YAF2: variants seen among roughly 807,000 people sequenced by gnomAD.
YAF2 encodes the protein YY1-associated factor 2.
In YAF2, 7 loss-of-function variants were observed where a neutral mutation model predicts 20.1. That is an observed-to-expected ratio of 0.35 (90% confidence interval 0.20 to 0.65). The LOEUF (loss-of-function observed/expected upper bound fraction) is 0.65. YAF2 is among the 30% of genes least tolerant of loss of function. The pLI, the probability that YAF2 is intolerant of heterozygous loss-of-function variation, is 0.69. For synonymous variants in YAF2, 74 were observed against 76.0 expected (o/e 0.97, Z 0.14); for missense variants, 151 against 219.2 (o/e 0.69, Z 1.96).
chr12:42,235,411 A>G (rs750565603), intron 2 of YAF2: 59 of 1,047,420 alleles, frequency 5.6e-5, no homozygotes, highest in Non-Finnish European at 6.1e-5. Flanking sequence ...GATGCAATCA[A>G]TATCTTCTCT....
At chr12:42,234,521 T>C (rs1273812396) in intron 2 of YAF2, 1 of 984,974 alleles carries the variant, frequency 1.0e-6, no homozygotes, top group Non-Finnish European at 1.2e-6. Flanking sequence ...AAATTAAAAC[T>C]TGAGGAACTG....
At chr12:42,220,084 G>GAGA (rs1206229364) in intron 2 of YAF2, among the ~76,000 whole-genome samples, 1 of 152,184 alleles carries the variant, frequency 6.6e-6, no homozygotes, top group Non-Finnish European at 1.5e-5. Flanking sequence ...GAATGGTTAT[G>GAGA]AGAAGGCCCT....
At chr12:42,185,508 T>C (rs559106797) in intron 2 of YAF2, among the ~76,000 whole-genome samples, 3 of 152,234 alleles carry the variant, frequency 2.0e-5, no homozygotes, top group Non-Finnish European at 4.4e-5. Flanking sequence ...CAGATGAATC[T>C]TTCATGAAAG....
At chr12:42,183,129 G>A (rs2066386697) in intron 2 of YAF2, among the ~76,000 whole-genome samples, 2 of 152,136 alleles carry the variant, frequency 1.3e-5, no homozygotes, top group Admixed American at 6.5e-5. Flanking sequence ...GCCCACACCT[G>A]TATATGACAG....
chr12:42,230,468 T>C (rs561313056), intron 2 of YAF2, among the ~76,000 whole-genome samples: 1 of 152,236 alleles, frequency 6.6e-6, no homozygotes, highest in South Asian at 2.1e-4. Context: ...CAGCCACTAA[T>C]AGGACTCAAT....
chr12:42,184,758 G>A, intron 2 of YAF2, among the ~76,000 whole-genome samples: 1 of 152,206 alleles, frequency 6.6e-6, no homozygotes, highest in East Asian at 1.9e-4. Flanking sequence ...GTGACTCAGG[G>A]AAGGAGGTCT....
intron 2 of YAF2, among the ~76,000 whole-genome samples, chr12:42,191,137 T>C (rs1417935139): frequency 6.6e-6 from 1 of 152,168 alleles, no homozygotes; most frequent in Admixed American, 6.5e-5. Context: ...GACTGAAAAA[T>C]GTTTTTAAAG....
intron 2 of YAF2, among the ~76,000 whole-genome samples, chr12:42,184,996 G>A (rs2066434658): frequency 6.6e-6 from 1 of 152,322 alleles, no homozygotes; most frequent in African/African-American, 2.4e-5. Context: ...GGCCAATATG[G>A]CGCAACCCTG....
At chr12:42,225,631 G>A (rs2067667144) in intron 2 of YAF2, among the ~76,000 whole-genome samples, 1 of 152,172 alleles carries the variant, frequency 6.6e-6, no homozygotes, top group Admixed American at 6.5e-5. Context: ...TTATTAAATA[G>A]GGAATCCTTT....
intron 2 of YAF2, among the ~76,000 whole-genome samples, chr12:42,208,160 G>A (rs1037247287): frequency 1.3e-5 from 2 of 152,172 alleles, no homozygotes; most frequent in Non-Finnish European, 2.9e-5. Context: ...AGGCGCCATG[G>A]CTCATGCCTG....
chr12:42,219,014 A>G (rs958025046), intron 2 of YAF2, among the ~76,000 whole-genome samples: 1 of 152,218 alleles, frequency 6.6e-6, no homozygotes, highest in African/African-American at 2.4e-5. Context: ...CAATTAACCT[A>G]GCCTGTGCTG....
At chr12:42,191,762 A>G (rs2066618196) in intron 2 of YAF2, among the ~76,000 whole-genome samples, 1 of 152,144 alleles carries the variant, frequency 6.6e-6, no homozygotes, top group Non-Finnish European at 1.5e-5. Flanking sequence ...ATACCATGAG[A>G]GGTTTTAACA....
In YAF2 at chr12:42,158,131, G is replaced by C. The variant is rs1286408919; in HGVS notation, c.*2458C>G. On this transcript the variant is annotated 3_prime_UTR_variant, in exon 4 of 4. Transcript: ENST00000534854. Reference sequence around the variant, plus strand: ...TATGGAATTTGGGTCTGTTTTCCTGGTGTGGAAGTGTACTTGAAGTAGGGT... The same window carrying C: ...TATGGAATTTGGGTCTGTTTTCCTGCTGTGGAAGTGTACTTGAAGTAGGGT... The C allele has an allele frequency of 6.6e-6, 1 of 152,072 alleles. No individual in the cohort carries two copies. The highest frequency in any genetic ancestry group is 1.5e-5 in the Non-Finnish European group (1 of 68,004). The allele number at this position is 152,072 out of a possible 1,614,324, so 9.4% of individuals were successfully genotyped here. A position where few individuals can be genotyped will look rare whatever the true frequency, so the allele number is the denominator to read the frequency against.
intron 2 of YAF2, among the ~76,000 whole-genome samples, chr12:42,182,502 T>C (rs981563215): frequency 3.3e-5 from 5 of 152,228 alleles, no homozygotes; most frequent in Non-Finnish European, 7.3e-5. Context: ...AGTGAAACTA[T>C]AACATAAACT....
chr12:42,228,385 A>G (rs867355779), intron 2 of YAF2, among the ~76,000 whole-genome samples: 1 of 40,774 alleles, frequency 2.5e-5, no homozygotes, highest in Non-Finnish European at 3.9e-5. Flanking sequence ...GGAAGTGAGG[A>G]GCCTCTCTGC....
At chr12:42,234,219 GA>G (rs2068073565) in intron 2 of YAF2, 3 of 918,872 alleles carry the variant, frequency 3.3e-6, no homozygotes, top group Non-Finnish European at 3.9e-6. Flanking sequence ...GAAAAGAAAA[GA>G]AAAGAAAAGA....
rs775168969 is a variant in YAF2, at chr12:42,161,769, T to C, written c.153-4A>G. On this transcript the variant is annotated splice_region_variant and splice_polypyrimidine_tract_variant and intron_variant, in intron 2 of 3. Coordinates refer to ENST00000534854, the MANE Select transcript of YAF2 (RefSeq NM_005748.6). ...CTGGGAGACAGGTCGAGGTTTCCTG[T>C]GTGCATGTTAAAAAGAAAGGTATTT... The C allele has an allele frequency of 6.3e-6, 10 of 1,588,774 alleles. No individual in the cohort carries two copies. The highest frequency in any genetic ancestry group is 4.5e-5 in the East Asian group (2 of 44,296).
intron 2 of YAF2, among the ~76,000 whole-genome samples, chr12:42,195,137 G>C (rs7978820): frequency 0.21 from 31,448 of 152,040 alleles, 3,372 homozygotes; most frequent in Admixed American, 0.25. Context: ...TATGGGAGAA[G>C]TCCAAAATGG....
chr12:42,162,768 A>T (rs2065826772), intron 2 of YAF2, among the ~76,000 whole-genome samples: 1 of 152,188 alleles, frequency 6.6e-6, no homozygotes, highest in Admixed American at 6.5e-5. Context: ...CATGGCTGAG[A>T]GAAAATAGGA....
Sources: allele counts gnomAD v4.1 joint callset (sites outside exome capture counted in the v4.1 genomes callset), GRCh38; gene constraint gnomAD v4.1.1; transcripts MANE v1.5; gene names NCBI Gene and HGNC (gene_info 2026-07-23, HGNC 2026-07-21).